OPCML: variants seen among roughly 807,000 people sequenced by gnomAD.
OPCML encodes opioid-binding protein/cell adhesion molecule.
A neutral mutation model predicts 37.8 loss-of-function variants in OPCML; 13 were observed. The observed-to-expected ratio is 0.34, with a 90% CI of 0.22 to 0.55. OPCML has a LOEUF of 0.55. Among genes scored for constraint, OPCML ranks in the 20% least tolerant of loss-of-function variants. The pLI, the probability that OPCML is intolerant of heterozygous loss-of-function variation, is 0.91. For missense variants in OPCML, 341 were observed against 435.6 expected, an observed-to-expected ratio of 0.78 and a Z score of 1.93; for synonymous variants, 176 against 168.8, an observed-to-expected ratio of 1.04 and a Z score of -0.33.
intron 1 of OPCML, among the ~76,000 whole-genome samples, chr11:132,971,264 A>G (rs1397805321): frequency 2.6e-5 from 4 of 152,208 alleles, no homozygotes; most frequent in Admixed American, 6.5e-5. Context: ...GTAGGTGATC[A>G]GTAAATATTG....
chr11:132,612,987 G>A (rs1938750815), intron 3 of OPCML, among the ~76,000 whole-genome samples: 1 of 152,188 alleles, frequency 6.6e-6, no homozygotes, highest in Admixed American at 6.5e-5. Flanking sequence ...ACTAAGCAAT[G>A]CATTTAGAAA....
intron 1 of OPCML, among the ~76,000 whole-genome samples, chr11:133,375,827 C>T (rs1944790477): frequency 6.6e-6 from 1 of 152,136 alleles, no homozygotes; most frequent in African/African-American, 2.4e-5. Flanking sequence ...AGGGTGGGCA[C>T]ACAGAAGTCA....
chr11:133,459,941 G>A (rs1750930067), intron 1 of OPCML, among the ~76,000 whole-genome samples: 1 of 151,964 alleles, frequency 6.6e-6, no homozygotes, highest in Admixed American at 6.6e-5. Flanking sequence ...TGCACTTGGT[G>A]CACTCTTCAT....
At chr11:133,432,734 T>C (rs1448089759) in intron 1 of OPCML, among the ~76,000 whole-genome samples, 1 of 152,190 alleles carries the variant, frequency 6.6e-6, no homozygotes, top group African/African-American at 2.4e-5. Context: ...TTATTTTACA[T>C]CCATGGTTCT....
chr11:133,026,635 C>T (rs748427060), intron 1 of OPCML: 357 of 965,246 alleles, frequency 3.7e-4, no homozygotes, highest in Non-Finnish European at 4.2e-4. Context: ...TCATGACTTG[C>T]CTCTTGTTGT....
intron 1 of OPCML, among the ~76,000 whole-genome samples, chr11:133,521,637 G>A (rs1033211463): frequency 1.3e-5 from 2 of 152,232 alleles, no homozygotes; most frequent in Non-Finnish European, 2.9e-5. Flanking sequence ...ATCCATCCCA[G>A]TGCCAAGTAA....
intron 7 of OPCML, 142 bp downstream of exon 7, chr11:132,435,944 G>T: frequency 1.4e-6 from 1 of 709,502 alleles, no homozygotes; most frequent in Non-Finnish European, 2.2e-6. Flanking sequence ...GGAATGGCAG[G>T]GAGAAGTATG....
At chr11:132,645,083 G>C (rs1168433282) in intron 3 of OPCML, among the ~76,000 whole-genome samples, 3 of 152,194 alleles carry the variant, frequency 2.0e-5, no homozygotes, top group African/African-American at 7.2e-5. Context: ...CTGCCTGCCA[G>C]GGCAACCATC....
chr11:133,325,707 A>T (rs1943434234), intron 1 of OPCML, among the ~76,000 whole-genome samples: 1 of 152,192 alleles, frequency 6.6e-6, no homozygotes, highest in African/African-American at 2.4e-5. Context: ...AGGAGGGATG[A>T]CTACTTGCCA....
intron 2 of OPCML, among the ~76,000 whole-genome samples, chr11:132,878,203 G>A (rs1220226534): frequency 8.6e-5 from 13 of 152,036 alleles, no homozygotes; most frequent in Non-Finnish European, 1.3e-4. Flanking sequence ...AATTATATTG[G>A]CTGGCGGTAG....
At chr11:133,028,075 T>A (rs1338918957) in intron 1 of OPCML, among the ~76,000 whole-genome samples, 1 of 152,092 alleles carries the variant, frequency 6.6e-6, no homozygotes, top group East Asian at 1.9e-4. Context: ...TTCATTAAAA[T>A]CACTGGAGCT....
At position 132,831,376 on chromosome 11, in the gene OPCML, T is replaced by C. The variant is rs560156752; in HGVS notation, c.146+111550A>G. Among the ~76,000 whole-genome samples, 8 of 152,280 alleles carry C rather than the reference T, an allele frequency of 5.3e-5. No individual in the cohort carries two copies. In the South Asian group the frequency reaches 1.7e-3, roughly 32 times the overall value. Reference sequence around the variant, plus strand: ...GATTTTCAGTCAAAGGGGAATAATCTACATTCATAAGCCCACAGGTGATGA... The same window carrying C: ...GATTTTCAGTCAAAGGGGAATAATCCACATTCATAAGCCCACAGGTGATGA... On this transcript the variant is annotated intron_variant, in intron 2 of 7. Transcript: ENST00000524381.
chr11:132,920,449 A>G (rs1944752536), intron 2 of OPCML, among the ~76,000 whole-genome samples: 1 of 152,162 alleles, frequency 6.6e-6, no homozygotes, highest in African/African-American at 2.4e-5. Context: ...AGGGCAAAAG[A>G]GCATGTGAAA....
chr11:133,189,344 C>T (rs143330055), intron 1 of OPCML, among the ~76,000 whole-genome samples: 2 of 152,278 alleles, frequency 1.3e-5, no homozygotes, highest in African/African-American at 4.8e-5. Context: ...ATTAGAGAAG[C>T]AAGGTGAAGA....
At chr11:133,350,768 C>T (rs7933617) in intron 1 of OPCML, among the ~76,000 whole-genome samples, 46,958 of 151,998 alleles carry the variant, frequency 0.31, 7,313 homozygotes, top group East Asian at 0.42. Context: ...GAATGAGTAC[C>T]TCCTATGTAC....
chr11:133,442,810 A>G (rs1303268649), intron 1 of OPCML, among the ~76,000 whole-genome samples: 1 of 151,256 alleles, frequency 6.6e-6, no homozygotes, highest in Admixed American at 6.6e-5. Context: ...AAAAAAGCTT[A>G]TGAGTTTATG....
intron 3 of OPCML, among the ~76,000 whole-genome samples, chr11:132,636,994 A>G (rs1793277): frequency 0.035 from 5,375 of 152,324 alleles, 106 homozygotes; most frequent in East Asian, 0.054. Flanking sequence ...GACTGTTTGA[A>G]TATCATTTAT....
In OPCML at chr11:132,912,457, A is replaced by G. The variant is rs567932229; in HGVS notation, c.146+30469T>C. On this transcript the variant is annotated intron_variant, in intron 2 of 7. Transcript: ENST00000524381. ...CAATTAATAATTAACTTCATCATCA[A>G]CACTAACATCAATGTCATTATTATA... Among the ~76,000 whole-genome samples the G allele has an allele frequency of 6.0e-4, 91 of 152,330 alleles. 1 individual carries two copies. In the South Asian group the frequency reaches 0.018, roughly 31 times the overall value.
chr11:133,517,480 C>T (rs1948304579), intron 1 of OPCML, among the ~76,000 whole-genome samples: 1 of 152,176 alleles, frequency 6.6e-6, no homozygotes, highest in Admixed American at 6.5e-5. Flanking sequence ...AGCGGAATTC[C>T]TCTGGTTGAT....
Sources: allele counts gnomAD v4.1 joint callset (sites outside exome capture counted in the v4.1 genomes callset), GRCh38; gene constraint gnomAD v4.1.1; transcripts MANE v1.5; gene names NCBI Gene and HGNC (gene_info 2026-07-23, HGNC 2026-07-21).